The following RAB3GAP2 variants were observed in gnomAD, a reference collection of about 807,000 sequenced individuals.
RAB3GAP2 encodes the protein rab3 GTPase-activating protein non-catalytic subunit.
Under a neutral mutation model 185.3 loss-of-function variants are expected in RAB3GAP2, and 87 were observed. That is an observed-to-expected ratio of 0.47 (90% CI 0.39 to 0.56). The LOEUF is 0.56. RAB3GAP2 is among the 20% of genes least tolerant of loss of function. The pLI, the probability that RAB3GAP2 is intolerant of heterozygous loss-of-function variation, is 0.00. For missense variants in RAB3GAP2, 1,492 were observed against 1,638.2 expected (o/e 0.91, Z 1.54); for synonymous variants, 554 against 576.1 (o/e 0.96, Z 0.55).
chr1:220,153,533 AAAGG>A, intron 32 of RAB3GAP2, 127 bp from the exon 33 acceptor site: 1 of 814,658 alleles, frequency 1.2e-6, no homozygotes, highest in Admixed American at 2.2e-5. Context: ...AGTTATCAAA[AAAGG>A]AACACATCAT....
In RAB3GAP2 at chr1:220,162,404, T is replaced by C. The variant is rs111713427; in HGVS notation, c.3155-136A>G. On this transcript the variant is annotated intron_variant, in intron 27 of 34. Transcript: ENST00000358951. ...TTTTTTATATCTCATGTAATATTTATAAAGTTCATGAAATCTTTAATTTCA... is the reference window on the plus strand; with the variant it reads ...TTTTTTATATCTCATGTAATATTTACAAAGTTCATGAAATCTTTAATTTCA... 1.2e-3 allele frequency: 773 copies of C among 645,272 alleles called. 5 individuals carry two copies. In the African/African-American group the frequency reaches 0.013, roughly 11 times the overall value. The allele number at this position is 645,272 out of a possible 1,614,324, so 40.0% of individuals were successfully genotyped here. A position where few individuals can be genotyped will look rare whatever the true frequency, so the allele number is the denominator to read the frequency against.
In RAB3GAP2 at chr1:220,184,164, C is replaced by T. The variant is rs1239064173; in HGVS notation, c.1871-1G>A. The T allele has an allele frequency of 6.2e-7, 1 of 1,609,300 alleles. No homozygotes were observed. The highest frequency in any genetic ancestry group is 1.3e-5 in the African/African-American group (1 of 74,876). On this transcript the variant is annotated splice_acceptor_variant, in intron 18 of 34. Coordinates refer to ENST00000358951, the MANE Select transcript of RAB3GAP2 (RefSeq NM_012414.4). LOFTEE classifies it high-confidence loss of function. ...AATCCTTCATCAACAGACTCAAGTTCTAAAAGGCAGAAGGAAAAGTATATA... is the reference window on the plus strand; with the variant it reads ...AATCCTTCATCAACAGACTCAAGTTTTAAAAGGCAGAAGGAAAAGTATATA...
intron 4 of RAB3GAP2, chr1:220,211,489 C>T: frequency 2.6e-6 from 1 of 391,032 alleles, no homozygotes; most frequent in Middle Eastern, 3.6e-4. Context: ...ATTTTAGGAA[C>T]TTATGTATTT....
rs188701180 is a variant in RAB3GAP2, at chr1:220,224,170, T to C, written c.180+8629A>G. Among the ~76,000 whole-genome samples the C allele has an allele frequency of 2.9e-4, 44 of 152,316 alleles. 1 individual carries two copies. Among genetic ancestry groups the C allele is most frequent in the Admixed American group, 9.2e-4 (14 of 15,284 alleles). On this transcript the variant is annotated intron_variant, in intron 2 of 34. Transcript: ENST00000358951. ...CAATACTATGAGTTTGGTATTGTTA[T>C]CAATATCACTTTAGAAATGAGGTAA...
At position 220,262,117 on chromosome 1, in the gene RAB3GAP2, A is replaced by AT. The variant is rs1377939281; in HGVS notation, c.115+10105dup. On this transcript the variant is annotated intron_variant, in intron 1 of 34. Coordinates refer to ENST00000358951, the MANE Select transcript of RAB3GAP2 (RefSeq NM_012414.4). ...ATCCTGGCTAACACAGTGAAACCCC[A>AT]TCTCTACTAAAAATACAAAAAAAAA... Among the ~76,000 whole-genome samples the AT allele has an allele frequency of 2.9e-5, 4 of 136,512 alleles. No individual in the cohort carries two copies. In the Admixed American group the frequency reaches 3.0e-4, roughly 10 times the overall value. 89.6% of individuals were successfully genotyped at this position (136,512 alleles called of 152,430 possible). A position where few individuals can be genotyped will look rare whatever the true frequency, so the allele number is the denominator to read the frequency against.
chr1:220,171,721 C>A (rs567103154), intron 23 of RAB3GAP2, among the ~76,000 whole-genome samples, 168 bp downstream of exon 23: 1 of 152,110 alleles, frequency 6.6e-6, no homozygotes, highest in Non-Finnish European at 1.5e-5. Context: ...CATGTGACAA[C>A]TGCTAAATTC....
intron 26 of RAB3GAP2, among the ~76,000 whole-genome samples, chr1:220,165,870 G>C (rs754295133): frequency 7.2e-5 from 11 of 152,080 alleles, no homozygotes; most frequent in Non-Finnish European, 1.5e-4. Flanking sequence ...GCAACCATGG[G>C]GCTTGACGTC....
In RAB3GAP2 at chr1:220,191,222, C is replaced by T. The variant is rs779206233; in HGVS notation, c.1333G>A (p.Glu445Lys). 2 of 1,613,928 alleles carry T rather than the reference C, an allele frequency of 1.2e-6. No homozygotes were observed. Among genetic ancestry groups the T allele is most frequent in the Non-Finnish European group, 1.7e-6 (2 of 1,179,974 alleles). The change falls in exon 14 of 35, where the codon GAA becomes AAA. Residue 445 changes from glutamate (E) to lysine (K), a missense_variant. Physicochemically the swap from Glu to Lys is moderately conservative, Grantham distance 56 (BLOSUM62 1). Around this residue, in one of 5 missense-constraint regions of RAB3GAP2, gnomAD observed 681 missense variants for 689.1 expected, o/e 0.99. Transcript: ENST00000358951. The part of the protein sequence containing the change: ...TVEDLHERVP[E>K]KADFSPFGNS... Reference sequence around the variant, plus strand: ...CCAAAGGGGGAAAAATCTGCCTTTTCTGGCACTCTTTCATGGAGGTCCTCT... The same window carrying T: ...CCAAAGGGGGAAAAATCTGCCTTTTTTGGCACTCTTTCATGGAGGTCCTCT...
At position 220,154,043 on chromosome 1, in the gene RAB3GAP2, A is replaced by G; in HGVS notation, c.3570T>C (p.Phe1190=). The G allele has an allele frequency of 6.2e-7, 1 of 1,613,564 alleles. No homozygotes were observed. Among genetic ancestry groups the G allele is most frequent in the Non-Finnish European group, 8.5e-7 (1 of 1,179,764 alleles). Residue 1190 remains phenylalanine, a synonymous_variant, in exon 32 of 35, where the codon TTT becomes TTC. Transcript: ENST00000358951. ...ACTGAATTGAAGTTAGGTCTTTGAA[A>G]AATGCATTTTTTCCCTAAAAAGAAA... The part of the protein sequence containing the change: ...SLFDSKGKNA[F]FKDLTSIQLL...
At position 220,159,377 on chromosome 1, in the gene RAB3GAP2, T is replaced by C. The variant is rs1343942796; in HGVS notation, c.3261+9A>G. The C allele has an allele frequency of 1.9e-6, 3 of 1,602,466 alleles. No individual in the cohort carries two copies. Among genetic ancestry groups the C allele is most frequent in the African/African-American group, 2.7e-5 (2 of 74,766 alleles). ...CAACCATAATTCTAGCTATGGGAGA[T>C]TCACTTACCCTTCGGCATAACCTAT... On this transcript the variant is annotated intron_variant, in intron 29 of 34. Transcript: ENST00000358951.
intron 1 of RAB3GAP2, among the ~76,000 whole-genome samples, chr1:220,243,751 G>A (rs1329038099): frequency 6.6e-6 from 1 of 152,150 alleles, no homozygotes; most frequent in African/African-American, 2.4e-5. Flanking sequence ...GTGCTGCTAT[G>A]GAGATCAAAG....
rs372326490 is a variant in RAB3GAP2, at chr1:220,225,347, G to A, written c.180+7452C>T. On this transcript the variant is annotated intron_variant, in intron 2 of 34. Coordinates refer to ENST00000358951, the MANE Select transcript of RAB3GAP2 (RefSeq NM_012414.4). The stretch of plus-strand genomic sequence containing the variant: ...AATGCTCTGAAGGTCAAGAAGTTTT[G>A]GAGAACAAAATGGGGAAAAGGCAAA... 5.3e-5 allele frequency among the ~76,000 whole-genome samples: 8 copies of A among 152,248 alleles called. No individual in the cohort carries two copies. The South Asian group carries it at 1.2e-3, about 24-fold the overall frequency.
intron 1 of RAB3GAP2, among the ~76,000 whole-genome samples, chr1:220,237,651 C>G (rs1295888480): frequency 6.6e-6 from 1 of 152,064 alleles, no homozygotes; most frequent in Non-Finnish European, 1.5e-5. Context: ...CTTTTCCCAC[C>G]CTAAAAATTT....
At position 220,206,010 on chromosome 1, in the gene RAB3GAP2, T is replaced by C; in HGVS notation, c.613-4A>G. ...ATAAGATACTCAACTCTTCATTCTA[T>C]TTAAGAAATAAAAAAAAAAAGTTCT... On this transcript the variant is annotated splice_polypyrimidine_tract_variant and splice_region_variant and intron_variant, in intron 7 of 34. Coordinates refer to ENST00000358951, the MANE Select transcript of RAB3GAP2 (RefSeq NM_012414.4). 1 of 1,557,156 alleles carries C rather than the reference T, an allele frequency of 6.4e-7. No homozygotes were observed.
chr1:220,216,654 G>T (rs1427032582), intron 2 of RAB3GAP2, among the ~76,000 whole-genome samples: 2 of 152,086 alleles, frequency 1.3e-5, no homozygotes, highest in East Asian at 3.9e-4. Flanking sequence ...AATTAGGAGG[G>T]TCCAAAACTC....
intron 2 of RAB3GAP2, chr1:220,220,522 T>A (rs144543236): frequency 6.6e-6 from 1 of 152,354 alleles, no homozygotes; most frequent in East Asian, 1.9e-4. Context: ...GTCCCGTTTG[T>A]GGATAAGACA....
chr1:220,167,248 AAC>A (rs773564682), intron 26 of RAB3GAP2, 43 bp downstream of exon 26: 7 of 1,533,092 alleles, frequency 4.6e-6, no homozygotes, highest in Non-Finnish European at 3.6e-6. Context: ...GAATAGCATG[AAC>A]ACAGAAGCAG....
At chr1:220,266,551 G>A in intron 1 of RAB3GAP2, 1 of 699,508 alleles carries the variant, frequency 1.4e-6, no homozygotes, top group Admixed American at 2.1e-5. Context: ...TTTCTGAGTA[G>A]GGAGGTTAAG....
chr1:220,264,425 TATA>T (rs1488066316), intron 1 of RAB3GAP2, among the ~76,000 whole-genome samples: 6 of 152,068 alleles, frequency 3.9e-5, no homozygotes, highest in Admixed American at 2.0e-4. Context: ...AGCAACTTAC[TATA>T]ATAAGACTAC....
Sources: gnomAD v4.1 joint callset for allele counts (sites outside exome capture counted in the v4.1 genomes callset) on GRCh38, gnomAD v4.1.1 for gene constraint, gnomAD v4.1.1 regional missense constraint, MANE v1.5 for transcripts, NCBI Gene and HGNC (gene_info 2026-07-23, HGNC 2026-07-21) for gene names.